Variants in ASTN2 observed in about 807,000 individuals in gnomAD.
The protein encoded by ASTN2 is astrotactin-2.
ASTN2 carries 54 observed loss-of-function variants against 139.8 expected under a neutral mutation model. The observed-to-expected ratio is 0.39, with a 90% confidence interval of 0.31 to 0.48. The LOEUF (loss-of-function observed/expected upper bound fraction) is 0.48, where lower values mean the gene tolerates loss of function less well. ASTN2 is among the 20% of genes least tolerant of loss of function. The pLI is 0.95. For synonymous variants in ASTN2, 756 were observed against 719.5 expected (o/e 1.05, Z -0.81); for missense variants, 1,565 against 1,725.1 (o/e 0.91, Z 1.64).
chr9:117,244,567 AAGGAAGGGAGGGAGGG>A (rs1564500923), intron 2 of ASTN2, among the ~76,000 whole-genome samples: 4 of 93,838 alleles, frequency 4.3e-5, no homozygotes, highest in African/African-American at 1.4e-4. Flanking sequence ...GGAAGGAAGG[AAGGAAGGGAGGGAGGG>A]AGGGAGGGAG....
At chr9:116,982,481 T>C (rs770501710) in intron 7 of ASTN2, among the ~76,000 whole-genome samples, 16 of 152,124 alleles carry the variant, frequency 1.1e-4, no homozygotes, top group African/African-American at 3.4e-4. Context: ...GAATGAAAGA[T>C]GGTCAAAAAT....
At chr9:117,301,183 T>C (rs2130799695) in intron 1 of ASTN2, among the ~76,000 whole-genome samples, 1 of 152,312 alleles carries the variant, frequency 6.6e-6, no homozygotes, top group South Asian at 2.1e-4. Flanking sequence ...CTTGCTGTAT[T>C]TCTTTGCTTG....
At chr9:116,444,852 G>A (rs952449292) in intron 20 of ASTN2, among the ~76,000 whole-genome samples, 2 of 152,188 alleles carry the variant, frequency 1.3e-5, no homozygotes, top group Non-Finnish European at 2.9e-5. Context: ...ATGGATAGAT[G>A]TGAAATGTAA....
intron 16 of ASTN2, among the ~76,000 whole-genome samples, chr9:116,722,078 A>G (rs1395472531): frequency 6.6e-6 from 1 of 152,202 alleles, no homozygotes; most frequent in Non-Finnish European, 1.5e-5. Context: ...GTGACTGGGT[A>G]TTCCAACCAG....
chr9:117,296,008 G>A (rs921133264), intron 1 of ASTN2, among the ~76,000 whole-genome samples: 4 of 151,914 alleles, frequency 2.6e-5, no homozygotes, highest in South Asian at 2.1e-4. Flanking sequence ...GGCCTGGCGT[G>A]GTGGCTCACA....
At chr9:116,852,876 AAT>A (rs1491380829) in intron 11 of ASTN2, among the ~76,000 whole-genome samples, 1 of 59,222 alleles carries the variant, frequency 1.7e-5, no homozygotes, top group African/African-American at 1.2e-4. Context: ...CCAAGGGGAA[AAT>A]ACACACACAC....
chr9:117,061,631 A>T (rs1196961240), intron 5 of ASTN2, among the ~76,000 whole-genome samples: 2 of 152,154 alleles, frequency 1.3e-5, no homozygotes, highest in Non-Finnish European at 1.5e-5. Flanking sequence ...GAGGCCATAA[A>T]TCGTGTATAA....
At chr9:117,029,911 T>C (rs964506466) in intron 6 of ASTN2, among the ~76,000 whole-genome samples, 9 of 152,118 alleles carry the variant, frequency 5.9e-5, no homozygotes, top group Middle Eastern at 3.4e-3. Flanking sequence ...TGAGGAAAAG[T>C]CACAACATTC....
At chr9:116,432,945 GAAGA>G (rs1049597706) in intron 22 of ASTN2, among the ~76,000 whole-genome samples, 1 of 151,938 alleles carries the variant, frequency 6.6e-6, no homozygotes, top group Admixed American at 6.6e-5. Context: ...AGGAAGGAAG[GAAGA>G]AAGGAAGGAA....
intron 6 of ASTN2, among the ~76,000 whole-genome samples, chr9:117,020,934 C>G (rs1194943431): frequency 6.6e-6 from 1 of 152,098 alleles, no homozygotes; most frequent in Non-Finnish European, 1.5e-5. Context: ...CCTCCCCACA[C>G]TCTCCAGTGG....
Position 117,231,231 on chromosome 9 carries a change from A to G in ASTN2, c.631-16489T>C, listed in dbSNP as rs555779152. On this transcript the variant is annotated intron_variant, in intron 2 of 22. Coordinates refer to ENST00000313400, the MANE Select transcript of ASTN2 (RefSeq NM_001365068.1). The stretch of plus-strand genomic sequence containing the variant: ...CTCTGCTGAGTGATGAAAACCATAG[A>G]AATTCTTAGTAATAGAGAGCCAGGA... Among the ~76,000 whole-genome samples the G allele has an allele frequency of 5.9e-5, 9 of 152,300 alleles. No homozygotes were observed. The South Asian group carries it at 1.9e-3, about 32-fold the overall frequency.
intron 5 of ASTN2, among the ~76,000 whole-genome samples, chr9:117,074,703 A>T (rs1355103027): frequency 6.6e-6 from 1 of 152,138 alleles, no homozygotes; most frequent in Non-Finnish European, 1.5e-5. Context: ...GGTGCCAAGA[A>T]CTATACTAAG....
At chr9:117,174,037 G>T (rs963460622) in intron 3 of ASTN2, among the ~76,000 whole-genome samples, 13 of 150,922 alleles carry the variant, frequency 8.6e-5, no homozygotes, top group Non-Finnish European at 1.3e-4. Context: ...GACAGACAAG[G>T]CATAAAAACA....
intron 20 of ASTN2, among the ~76,000 whole-genome samples, chr9:116,463,330 G>C (rs10759840): frequency 0.34 from 51,225 of 151,812 alleles, 9,516 homozygotes; most frequent in East Asian, 0.66. Flanking sequence ...AAAGCTCTTC[G>C]ATCTCTCCCC....
rs188487824 is a variant in ASTN2 at position 117,006,467 on chromosome 9, T to A, written c.1591+1625A>T. ...GTAATAAATTCTGTTGAGGGTATAC[T>A]CTTAAATGTATCCAGAATCTGATCA... On this transcript the variant is annotated intron_variant, in intron 7 of 22. Transcript: ENST00000313400. Among the ~76,000 whole-genome samples, 852 of 152,296 alleles carry A rather than the reference T, an allele frequency of 5.6e-3. 15 individuals carry two copies. The highest frequency in any genetic ancestry group is 7.8e-3 in the Non-Finnish European group (533 of 68,024).
rs533095176 is a variant in ASTN2 at position 116,838,120 on chromosome 9, T to G, written c.2041-17337A>C. ...GGCTGTGTTTTTTTTTGTTTTGTTT[T>G]GTTTTTTGAGACAGAGTCACGCTCT... On this transcript the variant is annotated intron_variant, in intron 11 of 22. Transcript: ENST00000313400. Among the ~76,000 whole-genome samples the G allele has an allele frequency of 1.1e-3, 138 of 125,892 alleles. 1 individual carries two copies. The highest frequency in any genetic ancestry group is 5.0e-3 in the Middle Eastern group (1 of 202). 82.6% of individuals were successfully genotyped at this position (125,892 alleles called of 152,430 possible). A position where few individuals can be genotyped will look rare whatever the true frequency, so the allele number is the denominator to read the frequency against.
intron 1 of ASTN2, among the ~76,000 whole-genome samples, chr9:117,298,940 C>T (rs1159534147): frequency 1.3e-5 from 2 of 151,924 alleles, no homozygotes; most frequent in African/African-American, 2.4e-5. Context: ...GAAGAGACAG[C>T]AACTTGGGGT....
At position 117,086,285 on chromosome 9, in the gene ASTN2, C is replaced by T. The variant is rs139364213; in HGVS notation, c.1276+9759G>A. On this transcript the variant is annotated intron_variant, in intron 5 of 22. Coordinates refer to ENST00000313400, the MANE Select transcript of ASTN2 (RefSeq NM_001365068.1). ...ACAAGAGACACCTAGGATTAAAACT[C>T]AAGTCTTGGCCGGGTGCGGTGGCTC... Among the ~76,000 whole-genome samples, 680 of 152,232 alleles carry T rather than the reference C, an allele frequency of 4.5e-3. 7 individuals carry two copies. Among genetic ancestry groups the T allele is most frequent in the Non-Finnish European group, 6.8e-3 (461 of 68,020 alleles).
At chr9:117,218,481 C>T (rs1832406422) in intron 2 of ASTN2, among the ~76,000 whole-genome samples, 1 of 152,200 alleles carries the variant, frequency 6.6e-6, no homozygotes, top group South Asian at 2.1e-4. Flanking sequence ...ACTACTGAAA[C>T]AGACATCCCA....
Sources: gnomAD v4.1 joint callset for allele counts (sites outside exome capture counted in the v4.1 genomes callset) on GRCh38, gnomAD v4.1.1 for gene constraint, MANE v1.5 for transcripts, NCBI Gene and HGNC (gene_info 2026-07-23, HGNC 2026-07-21) for gene names.